Variants in GABRB3 observed in about 807,000 individuals in gnomAD.
GABRB3 encodes the protein gamma-aminobutyric acid type A receptor subunit beta3, also known as gamma-aminobutyric acid receptor subunit beta-3.
Under a neutral mutation model 52.1 loss-of-function variants are expected in GABRB3, and 14 were observed. The observed-to-expected ratio is 0.27, with a 90% CI of 0.18 to 0.42. GABRB3 has a LOEUF of 0.42. GABRB3 is among the 10% of genes least tolerant of loss of function. The probability of loss-of-function intolerance (pLI) is 1.00; values close to 1 mark genes in which losing one functional copy is unlikely to be tolerated. For synonymous variants in GABRB3, 260 were observed against 232.3 expected (o/e 1.12, Z -1.08); for missense variants, 307 against 609.1 (o/e 0.50, Z 5.22).
At chr15:26,770,894 T>C (rs1052554681) in intron 3 of GABRB3, among the ~76,000 whole-genome samples, 2 of 152,164 alleles carry the variant, frequency 1.3e-5, no homozygotes, top group African/African-American at 2.4e-5. Context: ...AAAAGTAAAA[T>C]AGACATGTTA....
chr15:26,588,215 G>A (rs8024723), intron 4 of GABRB3, among the ~76,000 whole-genome samples: 24,672 of 152,104 alleles, frequency 0.16, 2,029 homozygotes, highest in African/African-American at 0.2. Flanking sequence ...CAAAGAGACA[G>A]AGGACTGAGG....
intron 3 of GABRB3, among the ~76,000 whole-genome samples, chr15:26,622,265 G>T (rs966457337): frequency 6.6e-6 from 1 of 152,140 alleles, no homozygotes. Flanking sequence ...AAATATCCAC[G>T]TGATGGTTCT....
chr15:26,659,553 T>C (rs1458531545), intron 3 of GABRB3, among the ~76,000 whole-genome samples: 1 of 151,996 alleles, frequency 6.6e-6, no homozygotes, highest in African/African-American at 2.4e-5. Flanking sequence ...AATAAATAAA[T>C]AACAGGTTAA....
chr15:26,734,021 G>A (rs899221674), intron 3 of GABRB3, among the ~76,000 whole-genome samples: 1 of 133,518 alleles, frequency 7.5e-6, no homozygotes, highest in Non-Finnish European at 1.5e-5. Flanking sequence ...AAAACTATAG[G>A]GCTTTTTTTT....
intron 4 of GABRB3, among the ~76,000 whole-genome samples, chr15:26,601,756 C>CAA (rs923846997): frequency 6.6e-6 from 1 of 151,786 alleles, no homozygotes; most frequent in Non-Finnish European, 1.5e-5. Context: ...AAAAAATGTA[C>CAA]AATGATACAT....
Position 26,690,263 on chromosome 15 carries a change from G to A in GABRB3, c.241-68729C>T, listed in dbSNP as rs557662412. On this transcript the variant is annotated intron_variant, in intron 3 of 8. Coordinates refer to ENST00000311550, the MANE Select transcript of GABRB3 (RefSeq NM_000814.6). ...TAGCTATTTTTTTAAACTTTTTGTA[G>A]TGACAGGGTCTCACTATGTTGCCCA... 2.6e-5 allele frequency among the ~76,000 whole-genome samples: 4 copies of A among 151,980 alleles called. No homozygotes were observed. The East Asian group carries it at 7.8e-4, about 30-fold the overall frequency.
chr15:26,583,878 C>T (rs1419391156), intron 4 of GABRB3, among the ~76,000 whole-genome samples: 8 of 151,686 alleles, frequency 5.3e-5, no homozygotes, highest in Admixed American at 3.3e-4. Flanking sequence ...AGGTTCACGC[C>T]GTTCTCCTGC....
rs1566834495 is a variant in GABRB3 at position 26,764,175 on chromosome 15, AAAAAATATATATATATATATATAT to A, written c.240+8203_240+8226del. On this transcript the variant is annotated intron_variant, in intron 3 of 8. Transcript: ENST00000311550. Reference sequence around the variant, plus strand: ...AAAAAAAAAAAAAAAAAAAAAAAAAAAAAAATATATATATATATATATATATATATATATATATATATATATATA... The same window carrying A: ...AAAAAAAAAAAAAAAAAAAAAAAAAAATATATATATATATATATATATATA... 1.8e-3 allele frequency among the ~76,000 whole-genome samples: 23 copies of A among 12,564 alleles called. 3 individuals are homozygous for A. The highest frequency in any genetic ancestry group is 8.3e-3 in the South Asian group (2 of 242). 8.2% of individuals were successfully genotyped at this position (12,564 alleles called of 152,430 possible).
At chr15:26,556,273 GT>G in intron 8 of GABRB3, among the ~76,000 whole-genome samples, 1 of 152,090 alleles carries the variant, frequency 6.6e-6, no homozygotes, top group Middle Eastern at 3.4e-3. Flanking sequence ...GAGATTTTTT[GT>G]TTTTTCCTAA....
intron 3 of GABRB3, among the ~76,000 whole-genome samples, chr15:26,765,055 G>C (rs532363464): frequency 2.1e-3 from 322 of 151,362 alleles, no homozygotes; most frequent in Non-Finnish European, 3.9e-3. Context: ...GCGTGAACCC[G>C]GGAGGCAGAG....
chr15:26,569,364 T>C (rs1397987160), intron 6 of GABRB3: 1 of 152,260 alleles, frequency 6.6e-6, no homozygotes. Context: ...TTTGTGTGTG[T>C]CTGTGTAGAA....
chr15:26,709,723 T>C (rs995254154), intron 3 of GABRB3, among the ~76,000 whole-genome samples: 5 of 152,022 alleles, frequency 3.3e-5, no homozygotes, highest in Non-Finnish European at 7.4e-5. Context: ...TTCACCCTGT[T>C]AGCCAGGATG....
chr15:26,710,022 A>T (rs1291698738), intron 3 of GABRB3, among the ~76,000 whole-genome samples: 4 of 152,164 alleles, frequency 2.6e-5, no homozygotes, highest in Non-Finnish European at 4.4e-5. Context: ...TTCTTATATA[A>T]ATGGAATCAT....
intron 6 of GABRB3, among the ~76,000 whole-genome samples, chr15:26,576,215 C>A (rs1890585460): frequency 6.6e-6 from 1 of 152,224 alleles, no homozygotes; most frequent in South Asian, 2.1e-4. Flanking sequence ...GCGCTTTGCT[C>A]ACGTTTTCAC....
intron 3 of GABRB3, among the ~76,000 whole-genome samples, chr15:26,669,285 T>C (rs571645802): frequency 6.6e-6 from 1 of 152,178 alleles, no homozygotes; most frequent in African/African-American, 2.4e-5. Flanking sequence ...TCTCCAAAAT[T>C]TAGACAGCTT....
chr15:26,717,800 G>A (rs958769443), intron 3 of GABRB3, among the ~76,000 whole-genome samples: 1 of 152,150 alleles, frequency 6.6e-6, no homozygotes, highest in Non-Finnish European at 1.5e-5. Flanking sequence ...TGTCAGTCTG[G>A]TATTTGGCGT....
chr15:26,731,527 A>G (rs1889914531), intron 3 of GABRB3, among the ~76,000 whole-genome samples: 1 of 152,128 alleles, frequency 6.6e-6, no homozygotes, highest in Non-Finnish European at 1.5e-5. Flanking sequence ...ACCCACACAG[A>G]TATGCCAGTG....
At chr15:26,630,986 G>T (rs571802337) in intron 3 of GABRB3, among the ~76,000 whole-genome samples, 42 of 152,304 alleles carry the variant, frequency 2.8e-4, no homozygotes, top group Admixed American at 7.2e-4. Flanking sequence ...TCATGTGAAG[G>T]TAAGAAGCCA....
intron 3 of GABRB3, among the ~76,000 whole-genome samples, chr15:26,745,137 CAGCCATGAGGACAGCACCA>C (rs1890304945): frequency 6.6e-6 from 1 of 152,134 alleles, no homozygotes; most frequent in African/African-American, 2.4e-5. Flanking sequence ...CACTCACTAA[CAGCCATGAGGACAGCACCA>C]AGCCATGAGG....
Sources: allele counts gnomAD v4.1 joint callset (sites outside exome capture counted in the v4.1 genomes callset), GRCh38; gene constraint gnomAD v4.1.1; transcripts MANE v1.5; gene names NCBI Gene and HGNC (gene_info 2026-07-23, HGNC 2026-07-21).